Variants in KIAA1217 observed in about 807,000 individuals in gnomAD.
The protein encoded by KIAA1217 is sickle tail protein homolog.
Under a neutral mutation model 163.9 loss-of-function variants are expected in KIAA1217, and 88 were observed. That is an observed-to-expected ratio of 0.54 (90% CI 0.45 to 0.64). The LOEUF (loss-of-function observed/expected upper bound fraction) is 0.64. KIAA1217 is among the 30% of genes least tolerant of loss of function. KIAA1217 has a pLI of 0.00. For synonymous variants in KIAA1217, 903 were observed against 923.1 expected (o/e 0.98, Z 0.39); for missense variants, 2,372 against 2,475.0 (o/e 0.96, Z 0.88).
rs191464169 is a variant in KIAA1217 at position 24,116,180 on chromosome 10, C to T, written c.-170-103446C>T. Among the ~76,000 whole-genome samples, 13 of 152,172 alleles carry T rather than the reference C, an allele frequency of 8.5e-5. No homozygotes were observed. In the South Asian group the frequency reaches 1.0e-3, roughly 12 times the overall value. On this transcript the variant is annotated intron_variant, in intron 2 of 18. Transcript: ENST00000376462. ...CCCACCCCAGGCCTCCAAGAAGCCC[C>T]GTTGTCACACTTGCCCCATGAGTAG...
At chr10:23,915,948 A>T (rs1842619224) in intron 1 of KIAA1217, among the ~76,000 whole-genome samples, 1 of 152,204 alleles carries the variant, frequency 6.6e-6, no homozygotes, top group African/African-American at 2.4e-5. Context: ...AAATTCTTTT[A>T]AAAACCGTGT....
At chr10:24,437,315 C>T (rs867465031) in intron 4 of KIAA1217, among the ~76,000 whole-genome samples, 12 of 152,176 alleles carry the variant, frequency 7.9e-5, no homozygotes, top group Non-Finnish European at 2.9e-5. Context: ...CTGGAGCAAC[C>T]GTGCAAGCTT....
intron 6 of KIAA1217, among the ~76,000 whole-genome samples, chr10:24,489,030 G>C (rs1367780813): frequency 6.6e-6 from 1 of 152,148 alleles, no homozygotes; most frequent in Non-Finnish European, 1.5e-5. Context: ...ACACTTTCTG[G>C]GGTGGGGAGA....
intron 2 of KIAA1217, among the ~76,000 whole-genome samples, chr10:24,236,250 C>CT (rs1270430061): frequency 6.6e-6 from 1 of 152,048 alleles, no homozygotes; most frequent in African/African-American, 2.4e-5. Context: ...CTTTTCCATT[C>CT]TTTTTCTTTT....
At chr10:23,828,490 G>A (rs368468962) in intron 1 of KIAA1217, among the ~76,000 whole-genome samples, 8 of 152,112 alleles carry the variant, frequency 5.3e-5, no homozygotes, top group African/African-American at 1.7e-4. Flanking sequence ...TGAATGCCAG[G>A]CTATCAACAT....
chr10:23,882,174 C>G (rs939730122), intron 1 of KIAA1217, among the ~76,000 whole-genome samples: 2 of 151,894 alleles, frequency 1.3e-5, no homozygotes, highest in African/African-American at 4.8e-5. Flanking sequence ...ATAATCTATA[C>G]CAAATACACT....
chr10:24,367,114 C>T, intron 2 of KIAA1217: 2 of 983,936 alleles, frequency 2.0e-6, no homozygotes, highest in Non-Finnish European at 2.4e-6. Context: ...TCTCCTGGTC[C>T]ACAGGCTTTG....
intron 2 of KIAA1217, among the ~76,000 whole-genome samples, chr10:24,165,207 A>C (rs2065289531): frequency 6.6e-6 from 1 of 152,162 alleles, no homozygotes; most frequent in South Asian, 2.1e-4. Flanking sequence ...CCATCTTGAG[A>C]GTTCTCCACC....
chr10:24,349,995 GA>G (rs902609568), intron 2 of KIAA1217, among the ~76,000 whole-genome samples: 4 of 152,178 alleles, frequency 2.6e-5, no homozygotes, highest in African/African-American at 9.7e-5. Flanking sequence ...GTCCTGGAGG[GA>G]AAGACAGGTA....
intron 2 of KIAA1217, chr10:24,239,427 G>A (rs2131264078): frequency 2.4e-6 from 1 of 423,408 alleles, no homozygotes; most frequent in East Asian, 1.6e-4. Context: ...TCTCTTGGCA[G>A]GAAGAAGTGA....
intron 17 of KIAA1217, among the ~76,000 whole-genome samples, chr10:24,540,415 G>A (rs537905362): frequency 1.4e-3 from 217 of 152,188 alleles, no homozygotes; most frequent in African/African-American, 4.9e-3. Context: ...TGTATTTTTA[G>A]TAGAGACAGG....
chr10:24,473,326 G>T lies in KIAA1217; in HGVS notation c.945G>T (p.Pro315=), dbSNP rs374292769. 1 of 1,579,842 alleles carries T rather than the reference G, an allele frequency of 6.3e-7. No homozygotes were observed. The highest frequency in any genetic ancestry group is 1.8e-5 in the Admixed American group (1 of 57,082). The change falls in exon 6 of 21, where the codon CCG becomes CCT. Residue 315 remains proline, a synonymous_variant. Transcript: ENST00000376454. ...CCCATGCGATTCCAAATTCCCCACC[G>T]TCTACTCCAGTGCCCCATTCCATGC... ...HPPHAIPNSP[P]STPVPHSMPP...
intron 2 of KIAA1217, among the ~76,000 whole-genome samples, chr10:24,364,881 C>T (rs1412937185): frequency 1.3e-5 from 2 of 151,984 alleles, no homozygotes; most frequent in Non-Finnish European, 2.9e-5. Flanking sequence ...TCACTGCACC[C>T]TCGACCTCCT....
chr10:23,964,202 G>T (rs897383902), intron 1 of KIAA1217, among the ~76,000 whole-genome samples: 1 of 151,636 alleles, frequency 6.6e-6, no homozygotes, highest in East Asian at 1.9e-4. Flanking sequence ...GTGCCTGGCC[G>T]ATGAGCTGTT....
At chr10:23,720,628 G>A (rs988148388) in intron 1 of KIAA1217, among the ~76,000 whole-genome samples, 1 of 152,102 alleles carries the variant, frequency 6.6e-6, no homozygotes, top group African/African-American at 2.4e-5. Flanking sequence ...GAGGTCATGG[G>A]AATCCAACAA....
intron 1 of KIAA1217, among the ~76,000 whole-genome samples, chr10:23,814,679 C>T (rs902963449): frequency 5.3e-5 from 8 of 152,184 alleles, no homozygotes; most frequent in African/African-American, 1.9e-4. Flanking sequence ...TGAAATTGTC[C>T]TATGCTCTTA....
chr10:24,433,131 C>G lies in KIAA1217; in HGVS notation c.690C>G (p.Pro230=). 1 of 1,614,108 alleles carries G rather than the reference C, an allele frequency of 6.2e-7. No homozygotes were observed. The highest frequency in any genetic ancestry group is 8.5e-7 in the Non-Finnish European group (1 of 1,180,010). The change falls in exon 4 of 21, where the codon CCC becomes CCG. Residue 230 remains proline, a synonymous_variant. Transcript: ENST00000376454. The part of the protein sequence containing the change: ...QQLTMKMLES[P]SVAIYIKDES... ...TCACCATGAAAATGCTGGAATCGCC[C>G]AGTGTCGCCATTTACATCAAAGATG...
At position 23,695,451 on chromosome 10, in the gene KIAA1217, AC is replaced by A. The variant is rs1835965124; in HGVS notation, c.-321+222del. On this transcript the variant is annotated intron_variant, in intron 1 of 18. Transcript: ENST00000376462. The surrounding 1 kb of genome is among the most constrained non-coding windows in gnomAD (Gnocchi z 4.9). ...GGTGATGGGGTGCCAAAAGGAGAAG[AC>A]CCCCAACTGGGAGGAGGGACTGGAG... 6.6e-6 allele frequency among the ~76,000 whole-genome samples: 1 copy of A among 151,666 alleles called. No homozygotes were observed. The highest frequency in any genetic ancestry group is 2.4e-5 in the African/African-American group (1 of 41,258).
intron 2 of KIAA1217, among the ~76,000 whole-genome samples, chr10:24,098,234 C>G (rs1206807613): frequency 6.6e-6 from 1 of 151,986 alleles, no homozygotes; most frequent in Non-Finnish European, 1.5e-5. Flanking sequence ...ATTCCAGAGA[C>G]CTGCTGCTAC....
Sources: gnomAD v4.1 joint callset for allele counts (sites outside exome capture counted in the v4.1 genomes callset) on GRCh38, gnomAD v4.1.1 for gene constraint, Gnocchi (gnomAD v3.1) non-coding constraint, MANE v1.5 for transcripts, NCBI Gene and HGNC (gene_info 2026-07-23, HGNC 2026-07-21) for gene names.